Variants in TANGO6 observed in about 807,000 individuals in gnomAD.
The protein encoded by TANGO6 is transport and Golgi organization protein 6 homolog.
TANGO6 carries 90 observed loss-of-function variants against 114.2 expected under a neutral mutation model. The ratio of observed to expected loss-of-function variants is 0.79; its 90% CI spans 0.66 to 0.94. The LOEUF (loss-of-function observed/expected upper bound fraction) is 0.94. TANGO6 is among the 40% of genes least tolerant of loss of function. The pLI is 0.00. For synonymous variants in TANGO6, 477 were observed against 509.8 expected (o/e 0.94, Z 0.87); for missense variants, 1,274 against 1,315.3 (o/e 0.97, Z 0.49).
At chr16:68,920,115 C>T (rs1963069821) in intron 12 of TANGO6, among the ~76,000 whole-genome samples, 1 of 152,154 alleles carries the variant, frequency 6.6e-6, no homozygotes, top group African/African-American at 2.4e-5. Context: ...AGCTAGGGTG[C>T]TGGGAATACA....
intron 17 of TANGO6, among the ~76,000 whole-genome samples, chr16:69,080,736 AAAT>A (rs1960451302): frequency 6.6e-6 from 1 of 152,212 alleles, no homozygotes. Context: ...TAAAAATAAA[AAAT>A]AAGAACACAG....
chr16:68,863,806 A>T (rs1962136362), intron 3 of TANGO6, among the ~76,000 whole-genome samples: 1 of 152,206 alleles, frequency 6.6e-6, no homozygotes, highest in Non-Finnish European at 1.5e-5. Flanking sequence ...TTCTATTCTT[A>T]GTTCCTTTGT....
intron 7 of TANGO6, among the ~76,000 whole-genome samples, chr16:68,889,357 A>G (rs1441564709): frequency 6.6e-6 from 1 of 152,228 alleles, no homozygotes; most frequent in Admixed American, 6.5e-5. Context: ...TAAAGAAAAT[A>G]AAATCCAAAA....
intron 11 of TANGO6, among the ~76,000 whole-genome samples, chr16:68,911,173 A>G (rs1194216281): frequency 6.6e-6 from 1 of 151,996 alleles, no homozygotes; most frequent in Admixed American, 6.6e-5. Flanking sequence ...GCTGGACTTG[A>G]ATTCCTGGGC....
rs551851547 is a variant in TANGO6, at chr16:68,864,136, T to G, written c.852+1075T>G. Among the ~76,000 whole-genome samples the G allele has an allele frequency of 5.3e-5, 8 of 151,694 alleles. No individual in the cohort carries two copies. The South Asian group carries it at 1.0e-3, about 20-fold the overall frequency. On this transcript the variant is annotated intron_variant, in intron 3 of 17. Coordinates refer to ENST00000261778, the MANE Select transcript of TANGO6 (RefSeq NM_024562.2). ...TTGCAGCGAGATGAGATCACGCCAT[T>G]GCACTCCAGCCTGGGCAACAAGAGC...
At chr16:68,892,563 G>T (rs1962638947) in intron 7 of TANGO6, among the ~76,000 whole-genome samples, 1 of 150,436 alleles carries the variant, frequency 6.6e-6, no homozygotes, top group African/African-American at 2.5e-5. Context: ...AGGCTGGAGT[G>T]CAGTGGTGTA....
At chr16:68,913,153 C>T (rs890797520) in intron 11 of TANGO6, among the ~76,000 whole-genome samples, 3 of 151,754 alleles carry the variant, frequency 2.0e-5, no homozygotes, top group Admixed American at 2.0e-4. Context: ...CAGCCTTCCA[C>T]CCAATGGGTT....
chr16:68,860,310 A>T lies in TANGO6; in HGVS notation c.521A>T (p.Glu174Val). ...GGAGTCCCTTTGAGATATAGAACTG[A>T]ATTTGGTGCCGTCGTTCAAGACGTG... ...GVGVPLRYRT[E>V]FGAVVQDVVC... The change falls in exon 2 of 18, where the codon GAA becomes GTA. Residue 174 changes from glutamate to valine, a missense_variant. Physicochemically the swap from Glu to Val is moderately radical, Grantham distance 121. This residue lies in a region of TANGO6 where 908 missense variants were observed against 910.2 expected (regional missense o/e 1.00). Coordinates refer to ENST00000261778, the MANE Select transcript of TANGO6 (RefSeq NM_024562.2). 6.2e-7 allele frequency: 1 copy of T among 1,613,882 alleles called. No homozygotes were observed. Among genetic ancestry groups the T allele is most frequent in the Non-Finnish European group, 8.5e-7 (1 of 1,179,880 alleles).
intron 15 of TANGO6, among the ~76,000 whole-genome samples, chr16:69,020,938 GTGTGGT>G (rs1298548816): frequency 2.4e-4 from 35 of 148,506 alleles, no homozygotes; most frequent in African/African-American, 8.7e-4. Context: ...GTGTGTGTGT[GTGTGGT>G]GTGTGTGTGT....
chr16:68,922,462 G>T (rs575597091), intron 12 of TANGO6, among the ~76,000 whole-genome samples: 13 of 152,172 alleles, frequency 8.5e-5, no homozygotes, highest in South Asian at 6.2e-4. Flanking sequence ...CTTGAACCCA[G>T]GAGGGGGAGG....
intron 7 of TANGO6, among the ~76,000 whole-genome samples, chr16:68,897,466 A>G (rs902363948): frequency 3.8e-4 from 58 of 152,216 alleles, no homozygotes; most frequent in Non-Finnish European, 1.5e-4. Flanking sequence ...TAAAAATAAT[A>G]TATACGTATA....
chr16:68,851,020 A>G (rs1961894682), intron 1 of TANGO6, among the ~76,000 whole-genome samples: 1 of 152,114 alleles, frequency 6.6e-6, no homozygotes, highest in South Asian at 2.1e-4. Context: ...TAGATGACTT[A>G]TTTTAATTAG....
chr16:69,003,254 A>G (rs73562676), intron 15 of TANGO6, among the ~76,000 whole-genome samples: 8,773 of 152,184 alleles, frequency 0.058, 497 homozygotes, highest in African/African-American at 0.15. Context: ...CTAGAATCAC[A>G]CCTAAGGTAG....
intron 15 of TANGO6, among the ~76,000 whole-genome samples, chr16:68,994,237 A>T (rs1391172181): frequency 3.9e-5 from 6 of 152,288 alleles, no homozygotes; most frequent in Admixed American, 6.5e-5. Context: ...TTTTACTCTG[A>T]AAGATATTTA....
chr16:69,027,248 A>G (rs1959517316), intron 16 of TANGO6, among the ~76,000 whole-genome samples: 1 of 152,184 alleles, frequency 6.6e-6, no homozygotes, highest in South Asian at 2.1e-4. Context: ...ATACACTTGA[A>G]TTTATGGTAT....
At chr16:68,872,001 G>T (rs76061396) in intron 4 of TANGO6, among the ~76,000 whole-genome samples, 1 of 151,996 alleles carries the variant, frequency 6.6e-6, no homozygotes. Flanking sequence ...GGAGGCCAAC[G>T]TGGGCGGATC....
chr16:68,939,073 A>C (rs866244907), intron 14 of TANGO6, among the ~76,000 whole-genome samples: 724 of 135,580 alleles, frequency 5.3e-3, no homozygotes, highest in African/African-American at 0.016. Context: ...CCCTGTCCCC[A>C]AAAAAAAAAA....
chr16:68,907,602 A>C (rs774719839), intron 10 of TANGO6, 27 bp downstream of exon 10: 3 of 1,590,190 alleles, frequency 1.9e-6, no homozygotes, highest in Admixed American at 1.9e-5. Flanking sequence ...GTTCCTGGTC[A>C]GTGTTGTTCC....
chr16:69,074,311 C>G (rs1293690253), intron 17 of TANGO6, among the ~76,000 whole-genome samples: 1 of 151,458 alleles, frequency 6.6e-6, no homozygotes, highest in African/African-American at 2.4e-5. Flanking sequence ...AAAGGAGTCC[C>G]GATCCAGACC....
Sources: gnomAD v4.1 joint callset for allele counts (sites outside exome capture counted in the v4.1 genomes callset) on GRCh38, gnomAD v4.1.1 for gene constraint, gnomAD v4.1.1 regional missense constraint, MANE v1.5 for transcripts, NCBI Gene and HGNC (gene_info 2026-07-23, HGNC 2026-07-21) for gene names.